Variants in QKI observed in about 807,000 individuals in gnomAD.
The protein encoded by QKI is KH domain-containing RNA-binding protein QKI.
A neutral mutation model predicts 39.0 loss-of-function variants in QKI; 10 were observed. The observed-to-expected ratio is 0.26, with a 90% CI of 0.16 to 0.43. QKI has a LOEUF of 0.43. Ranked by LOEUF, QKI falls within the 20% of genes least tolerant of loss-of-function variation. The probability of loss-of-function intolerance (pLI) is 1.00; values close to 1 mark genes in which losing one functional copy is unlikely to be tolerated. For missense variants in QKI, 218 were observed against 428.0 expected (o/e 0.51, Z 4.33); for synonymous variants, 204 against 155.4 (o/e 1.31, Z -2.33).
chr6:163,547,123 TCTC>T (rs1347486021), intron 4 of QKI, among the ~76,000 whole-genome samples: 2 of 152,168 alleles, frequency 1.3e-5, no homozygotes, highest in African/African-American at 4.8e-5. Flanking sequence ...ATTTATGAAT[TCTC>T]CTGTCAATTT....
chr6:163,559,858 A>C (rs962692923), intron 4 of QKI, among the ~76,000 whole-genome samples: 2 of 152,190 alleles, frequency 1.3e-5, no homozygotes, highest in African/African-American at 4.8e-5. Context: ...CCGTTTTATG[A>C]ATCAGAGAGG....
intron 1 of QKI, among the ~76,000 whole-genome samples, chr6:163,441,844 T>A (rs1267522952): frequency 6.6e-6 from 1 of 152,056 alleles, no homozygotes; most frequent in South Asian, 2.1e-4. Context: ...GGAGGTTAGG[T>A]TGGTTAAGGA....
chr6:163,497,042 A>T (rs1418576318), intron 3 of QKI, among the ~76,000 whole-genome samples: 1 of 152,186 alleles, frequency 6.6e-6, no homozygotes, highest in Non-Finnish European at 1.5e-5. Context: ...CCTGCCATGT[A>T]GTTGGTACTC....
intron 1 of QKI, among the ~76,000 whole-genome samples, chr6:163,438,181 A>T (rs917074848): frequency 1.2e-4 from 18 of 152,220 alleles, no homozygotes; most frequent in African/African-American, 4.3e-4. Context: ...ATGCCTACAA[A>T]GTCTGGGAAA....
intron 2 of QKI, among the ~76,000 whole-genome samples, chr6:163,462,163 C>T (rs926490212): frequency 2.6e-5 from 4 of 151,976 alleles, no homozygotes; most frequent in African/African-American, 9.7e-5. Context: ...ACTGTGTTGC[C>T]CAGGCTGGTC....
At chr6:163,436,397 GAAGTTT>G (rs1385423830) in intron 1 of QKI, among the ~76,000 whole-genome samples, 1 of 152,152 alleles carries the variant, frequency 6.6e-6, no homozygotes, top group Non-Finnish European at 1.5e-5. Context: ...TAGAATTGGA[GAAGTTT>G]AAGTTTAAAG....
chr6:163,561,329 G>C (rs1562545762), intron 4 of QKI, among the ~76,000 whole-genome samples: 1 of 152,154 alleles, frequency 6.6e-6, no homozygotes, highest in Non-Finnish European at 1.5e-5. Flanking sequence ...GTTGCTGGCT[G>C]GGTGCAGTGG....
chr6:163,496,146 T>G (rs980257981), intron 3 of QKI, among the ~76,000 whole-genome samples: 2 of 152,210 alleles, frequency 1.3e-5, no homozygotes, highest in African/African-American at 4.8e-5. Flanking sequence ...TTCTTGCATA[T>G]CCCATTCGTT....
chr6:163,528,671 C>G (rs1352297045), intron 3 of QKI, among the ~76,000 whole-genome samples: 1 of 152,068 alleles, frequency 6.6e-6, no homozygotes, highest in Non-Finnish European at 1.5e-5. Context: ...ATTTATCTCA[C>G]CATAGTATAC....
At chr6:163,493,557 C>T (rs1448360544) in intron 3 of QKI, among the ~76,000 whole-genome samples, 2 of 152,138 alleles carry the variant, frequency 1.3e-5, no homozygotes, top group Non-Finnish European at 2.9e-5. Flanking sequence ...TGTACTTTAT[C>T]ATTAAGATAA....
At chr6:163,546,041 T>C (rs1781848242) in intron 4 of QKI, among the ~76,000 whole-genome samples, 1 of 148,182 alleles carries the variant, frequency 6.7e-6, no homozygotes, top group Admixed American at 6.8e-5. Context: ...TTTATATAAT[T>C]ATATAAAATA....
chr6:163,457,593 A>G (rs973861012), intron 2 of QKI: 5 of 367,832 alleles, frequency 1.4e-5, no homozygotes, highest in African/African-American at 1.1e-4. Context: ...AGCCCTGTAG[A>G]TAATTCCGAT....
intron 4 of QKI, among the ~76,000 whole-genome samples, chr6:163,542,389 G>T (rs1583192210): frequency 6.6e-6 from 1 of 151,978 alleles, no homozygotes; most frequent in Non-Finnish European, 1.5e-5. Flanking sequence ...GAAATTGGAG[G>T]AATATTATGC....
At chr6:163,429,598 G>T (rs1006490568) in intron 1 of QKI, among the ~76,000 whole-genome samples, 17 of 151,282 alleles carry the variant, frequency 1.1e-4, no homozygotes, top group African/African-American at 3.9e-4. Flanking sequence ...AAAGCCTTAA[G>T]TTACAAAATA....
chr6:163,439,911 A>G (rs139493240), intron 1 of QKI, among the ~76,000 whole-genome samples: 1 of 152,256 alleles, frequency 6.6e-6, no homozygotes, highest in Non-Finnish European at 1.5e-5. Context: ...TGGCCTCCCA[A>G]AGTGCTGGAA....
chr6:163,458,639 T>A (rs57292071), intron 2 of QKI, among the ~76,000 whole-genome samples: 4 of 152,120 alleles, frequency 2.6e-5, no homozygotes, highest in South Asian at 2.1e-4. Flanking sequence ...GAAACTGATA[T>A]GAGAAGAAAG....
At position 163,572,837 on chromosome 6, in the gene QKI, A is replaced by T. The variant is rs955794188; in HGVS notation, c.*2127A>T. The T allele has an allele frequency of 6.6e-6, 1 of 151,830 alleles. No individual in the cohort carries two copies. 9.4% of individuals were successfully genotyped at this position (151,830 alleles called of 1,614,324 possible). On this transcript the variant is annotated 3_prime_UTR_variant, in exon 8 of 8. Transcript: ENST00000361752. Reference sequence around the variant, plus strand: ...TTTATTTACTATGCAATAGACATTCATTGTTTTGTATCCAGCTAGCTTTGG... The same window carrying T: ...TTTATTTACTATGCAATAGACATTCTTTGTTTTGTATCCAGCTAGCTTTGG...
chr6:163,517,243 GGAATA>G (rs1400728574), intron 3 of QKI, among the ~76,000 whole-genome samples: 2 of 152,080 alleles, frequency 1.3e-5, no homozygotes, highest in East Asian at 3.9e-4. Context: ...GTTGGTGTTT[GGAATA>G]TCTGAGCTTA....
intron 1 of QKI, 178 bp from the exon 2 acceptor site, chr6:163,455,101 A>G (rs1790826457): frequency 2.3e-6 from 1 of 428,744 alleles, no homozygotes; most frequent in African/African-American, 2.0e-5. Context: ...AAATTAATTA[A>G]GGCTATAGTC....
Sources: allele counts gnomAD v4.1 joint callset (sites outside exome capture counted in the v4.1 genomes callset), GRCh38; gene constraint gnomAD v4.1.1; transcripts MANE v1.5; gene names NCBI Gene and HGNC (gene_info 2026-07-23, HGNC 2026-07-21).